Variants in ARIH1 observed in about 807,000 individuals in gnomAD.
ARIH1 encodes E3 ubiquitin-protein ligase ARIH1.
A neutral mutation model predicts 85.0 loss-of-function variants in ARIH1; 8 were observed. That is an observed-to-expected ratio of 0.09 (90% CI 0.06 to 0.17). The LOEUF (loss-of-function observed/expected upper bound fraction) is 0.17, where lower values mean the gene tolerates loss of function less well. Among genes scored for constraint, ARIH1 ranks in the 10% least tolerant of loss-of-function variants. The probability of loss-of-function intolerance (pLI) is 1.00; values close to 1 mark genes in which losing one functional copy is unlikely to be tolerated. For missense variants in ARIH1, 311 were observed against 718.1 expected, an observed-to-expected ratio of 0.43 and a Z score of 6.48; for synonymous variants, 238 against 253.6, an observed-to-expected ratio of 0.94 and a Z score of 0.59.
At chr15:72,563,207 T>A (rs2064204450) in intron 6 of ARIH1, among the ~76,000 whole-genome samples, 187 bp from the exon 7 acceptor site, 1 of 152,086 alleles carries the variant, frequency 6.6e-6, no homozygotes, top group Non-Finnish European at 1.5e-5. Flanking sequence ...CATACCACCA[T>A]GCCTGGCTAA....
chr15:72,530,871 G>A (rs973229344), intron 2 of ARIH1, among the ~76,000 whole-genome samples: 1 of 152,172 alleles, frequency 6.6e-6, no homozygotes, highest in Non-Finnish European at 1.5e-5. Context: ...AAATACAGAA[G>A]AGATTAAGAA....
intron 5 of ARIH1, among the ~76,000 whole-genome samples, chr15:72,560,392 A>G (rs991805252): frequency 1.5e-4 from 23 of 152,210 alleles, no homozygotes; most frequent in Non-Finnish European, 2.5e-4. Flanking sequence ...AATAGCGTCT[A>G]ATATTTATTG....
At chr15:72,565,182 A>G (rs745845020) in intron 7 of ARIH1, among the ~76,000 whole-genome samples, 8 of 152,104 alleles carry the variant, frequency 5.3e-5, no homozygotes, top group Non-Finnish European at 1.0e-4. Context: ...GTGCCTCTTG[A>G]GTAGCTGGGA....
chr15:72,540,437 A>C (rs2064102047), intron 2 of ARIH1, among the ~76,000 whole-genome samples: 1 of 152,138 alleles, frequency 6.6e-6, no homozygotes, highest in Non-Finnish European at 1.5e-5. Context: ...GTAAAACTAA[A>C]TTAGATTTTA....
intron 6 of ARIH1, 79 bp downstream of exon 6, chr15:72,561,628 T>C: frequency 1.1e-6 from 1 of 885,450 alleles, no homozygotes; most frequent in Non-Finnish European, 1.7e-6. Flanking sequence ...TATAATTTAT[T>C]GACAGTAAAA....
chr15:72,526,696 C>T (rs994385849), intron 2 of ARIH1, among the ~76,000 whole-genome samples: 6 of 151,936 alleles, frequency 3.9e-5, no homozygotes, highest in Non-Finnish European at 5.9e-5. Context: ...CCAACCTGGG[C>T]GACAGAGGAA....
At chr15:72,580,605 C>CTT (rs1567361744) in intron 11 of ARIH1, 126 bp from the exon 12 acceptor site, 4 of 888,556 alleles carry the variant, frequency 4.5e-6, no homozygotes, top group Admixed American at 6.2e-5. Flanking sequence ...TATCTTTCAT[C>CTT]TTTTTGATAA....
intron 4 of ARIH1, among the ~76,000 whole-genome samples, 159 bp from the exon 5 acceptor site, chr15:72,555,693 T>C (rs1258913085): frequency 6.6e-6 from 1 of 152,232 alleles, no homozygotes; most frequent in East Asian, 1.9e-4. Context: ...TTTATGGTGA[T>C]AAACATACTC....
intron 1 of ARIH1, among the ~76,000 whole-genome samples, chr15:72,479,648 C>T (rs749257224): frequency 2.6e-5 from 4 of 152,122 alleles, no homozygotes; most frequent in South Asian, 2.1e-4. Context: ...CCTCGTGATC[C>T]GCCTGCCTTG....
chr15:72,539,113 A>G (rs2064095623), intron 2 of ARIH1, among the ~76,000 whole-genome samples: 1 of 152,192 alleles, frequency 6.6e-6, no homozygotes, highest in African/African-American at 2.4e-5. Context: ...AGCAGAGAGA[A>G]GTATTTGGTT....
chr15:72,524,166 C>T (rs971267183), intron 2 of ARIH1, among the ~76,000 whole-genome samples: 1 of 151,590 alleles, frequency 6.6e-6, no homozygotes, highest in Non-Finnish European at 1.5e-5. Context: ...CTAAGATGGT[C>T]TCGATCTCCT....
intron 2 of ARIH1, among the ~76,000 whole-genome samples, chr15:72,525,626 C>T (rs897127058): frequency 7.9e-5 from 12 of 152,054 alleles, no homozygotes; most frequent in African/African-American, 1.4e-4. Flanking sequence ...CCAGAAGAAT[C>T]GACTGATTAA....
chr15:72,514,027 A>G (rs574121080), intron 1 of ARIH1, among the ~76,000 whole-genome samples: 1 of 150,758 alleles, frequency 6.6e-6, no homozygotes, highest in African/African-American at 2.4e-5. Flanking sequence ...TTTTGTAGAG[A>G]TGGGGTCTCA....
At chr15:72,537,185 G>C (rs972235874) in intron 2 of ARIH1, among the ~76,000 whole-genome samples, 1 of 152,022 alleles carries the variant, frequency 6.6e-6, no homozygotes, top group African/African-American at 2.4e-5. Flanking sequence ...AACTCCTTTA[G>C]ATGGTTTTTG....
intron 1 of ARIH1, among the ~76,000 whole-genome samples, chr15:72,504,789 CT>C (rs1444646885): frequency 6.6e-6 from 1 of 152,118 alleles, no homozygotes; most frequent in Non-Finnish European, 1.5e-5. Context: ...GAACCCACCC[CT>C]GTCTGCCTAG....
At chr15:72,566,071 G>T (rs2064219285) in intron 7 of ARIH1, among the ~76,000 whole-genome samples, 1 of 152,018 alleles carries the variant, frequency 6.6e-6, no homozygotes, top group Admixed American at 6.6e-5. Context: ...TTTATACCTT[G>T]CCCAGTACCA....
intron 7 of ARIH1, among the ~76,000 whole-genome samples, chr15:72,565,015 G>A (rs2064213168): frequency 6.6e-6 from 1 of 152,108 alleles, no homozygotes; most frequent in Non-Finnish European, 1.5e-5. Flanking sequence ...GGGTCTTGAG[G>A]AGTAAGAAGC....
intron 1 of ARIH1, among the ~76,000 whole-genome samples, chr15:72,495,096 T>A (rs1171361613): frequency 6.6e-6 from 1 of 152,166 alleles, no homozygotes; most frequent in African/African-American, 2.4e-5. Context: ...CTTGTCGGCC[T>A]AAGTGGCAAA....
In ARIH1 at chr15:72,507,167, C is replaced by G. The variant is rs186119898; in HGVS notation, c.376-10900C>G. Reference sequence around the variant, plus strand: ...CCTCCCAAGTAGCTAGGACTATAGGCGCACACCACCGTGCCCGGCTAATAT... The same window carrying G: ...CCTCCCAAGTAGCTAGGACTATAGGGGCACACCACCGTGCCCGGCTAATAT... On this transcript the variant is annotated intron_variant, in intron 1 of 13. Coordinates refer to ENST00000379887, the MANE Select transcript of ARIH1 (RefSeq NM_005744.5). 3.9e-5 allele frequency among the ~76,000 whole-genome samples: 6 copies of G among 152,178 alleles called. No homozygotes were observed. The South Asian group carries it at 1.2e-3, about 32-fold the overall frequency.
Sources: gnomAD v4.1 joint callset for allele counts (sites outside exome capture counted in the v4.1 genomes callset) on GRCh38, gnomAD v4.1.1 for gene constraint, MANE v1.5 for transcripts, NCBI Gene and HGNC (gene_info 2026-07-23, HGNC 2026-07-21) for gene names.